Variants in ITGA1 observed in about 807,000 individuals in gnomAD.
The protein encoded by ITGA1 is integrin alpha-1.
Under a neutral mutation model 145.9 loss-of-function variants are expected in ITGA1, and 85 were observed. The observed-to-expected ratio is 0.58, with a 90% CI of 0.49 to 0.70. The LOEUF (loss-of-function observed/expected upper bound fraction) is 0.70. Among genes scored for constraint, ITGA1 ranks in the 30% least tolerant of loss-of-function variants. The pLI is 0.00. For synonymous variants in ITGA1, 520 were observed against 495.3 expected (o/e 1.05, Z -0.66); for missense variants, 1,351 against 1,418.7 (o/e 0.95, Z 0.77).
chr5:52,910,297 A>G lies in ITGA1; in HGVS notation c.1735A>G (p.Lys579Glu), dbSNP rs1239819782. The change falls in exon 14 of 29, where the codon AAA becomes GAA. Residue 579 changes from lysine to glutamate, a missense_variant. Coordinates refer to ENST00000282588, the MANE Select transcript of ITGA1 (RefSeq NM_181501.2). ...ARFGTAIAAV[K>E]DLNLDGFNDI... ...TTTTGGAACTGCAATTGCTGCTGTA[A>G]AAGACCTCAATCTTGATGGATTTAA... 1.2e-6 allele frequency: 2 copies of G among 1,614,018 alleles called. No homozygotes were observed. Among genetic ancestry groups the G allele is most frequent in the Admixed American group, 3.3e-5 (2 of 60,006 alleles).
At position 52,952,185 on chromosome 5, in the gene ITGA1, TCA is replaced by T. The variant is rs1751231709; in HGVS notation, c.3496-221_3496-220del. On this transcript the variant is annotated intron_variant, in intron 28 of 28. Transcript: ENST00000282588. ...AGCCTGGTGACAGAGTGAGACTGTC[TCA>T]AAAAAAAAAAAGAAAAGAAAAAAAA... Among the ~76,000 whole-genome samples, 47 of 110,774 alleles carry T rather than the reference TCA, an allele frequency of 4.2e-4. 1 individual carries two copies. The highest frequency in any genetic ancestry group is 1.4e-3 in the African/African-American group (43 of 30,918). The allele number at this position is 110,774 out of a possible 152,430, so 72.7% of individuals were successfully genotyped here.
intron 16 of ITGA1, 90 bp downstream of exon 16, chr5:52,918,988 C>A: frequency 8.9e-7 from 1 of 1,125,044 alleles, no homozygotes; most frequent in Non-Finnish European, 1.2e-6. Context: ...TTGTATTTTC[C>A]CCACATGGTG....
chr5:52,908,580 C>T (rs542873666), intron 12 of ITGA1, among the ~76,000 whole-genome samples: 4 of 152,150 alleles, frequency 2.6e-5, no homozygotes, highest in Non-Finnish European at 4.4e-5. Context: ...CTTAAAAAAT[C>T]ACTATAGTAT....
intron 1 of ITGA1, chr5:52,803,122 G>C (rs761762248): frequency 6.6e-6 from 1 of 152,072 alleles, no homozygotes; most frequent in Admixed American, 6.6e-5. Flanking sequence ...CTAAACTTTC[G>C]CCGGTCTTTC....
intron 3 of ITGA1, among the ~76,000 whole-genome samples, chr5:52,862,086 T>A (rs879812580): frequency 6.6e-6 from 1 of 151,460 alleles, no homozygotes; most frequent in Non-Finnish European, 1.5e-5. Context: ...GGCATAGTGG[T>A]ACATGCCTGT....
chr5:52,864,075 A>G (rs1397146091), intron 3 of ITGA1: 1 of 152,204 alleles, frequency 6.6e-6, no homozygotes, highest in Admixed American at 6.6e-5. Context: ...CCACTCTACT[A>G]AGCAGATTTA....
intron 2 of ITGA1, among the ~76,000 whole-genome samples, chr5:52,855,027 T>C (rs184115048): frequency 6.6e-6 from 1 of 152,338 alleles, no homozygotes; most frequent in East Asian, 1.9e-4. Flanking sequence ...CATTAAATTT[T>C]AAAATAATGA....
chr5:52,891,262 C>T (rs796257173), intron 8 of ITGA1, among the ~76,000 whole-genome samples: 96 of 135,648 alleles, frequency 7.1e-4, no homozygotes, highest in Non-Finnish European at 7.2e-4. Context: ...TTTTTTTTTT[C>T]TTTTTTTTTT....
intron 6 of ITGA1, among the ~76,000 whole-genome samples, chr5:52,869,509 C>T (rs2111784054): frequency 6.6e-6 from 1 of 152,230 alleles, no homozygotes; most frequent in Non-Finnish European, 1.5e-5. Context: ...TGGACTAAGG[C>T]ATAATTATTA....
intron 24 of ITGA1, 94 bp from the exon 25 acceptor site, chr5:52,939,496 C>T (rs1751021188): frequency 2.5e-6 from 2 of 785,744 alleles, no homozygotes; most frequent in African/African-American, 1.8e-5. Context: ...ATGGCAATGG[C>T]TGTCATTCAC....
At chr5:52,808,676 CTTT>C (rs60113844) in intron 1 of ITGA1, among the ~76,000 whole-genome samples, 20 of 69,322 alleles carry the variant, frequency 2.9e-4, no homozygotes, top group Non-Finnish European at 3.1e-4. Context: ...TTCTTTCTTT[CTTT>C]TTTTTTTTTT....
At chr5:52,878,887 A>G (rs1166868950) in intron 6 of ITGA1, among the ~76,000 whole-genome samples, 3 of 152,104 alleles carry the variant, frequency 2.0e-5, no homozygotes, top group Non-Finnish European at 4.4e-5. Flanking sequence ...TTGGAGGGAA[A>G]AAAAGGTTAA....
chr5:52,933,872 T>C, intron 22 of ITGA1, 22 bp from the exon 23 acceptor site: 1 of 1,223,946 alleles, frequency 8.2e-7, no homozygotes, highest in Admixed American at 2.5e-5. Flanking sequence ...TGTTTTATTT[T>C]TCTTCTAATT....
At chr5:52,917,478 C>T (rs1464690840) in intron 15 of ITGA1, among the ~76,000 whole-genome samples, 1 of 150,550 alleles carries the variant, frequency 6.6e-6, no homozygotes, top group African/African-American at 2.4e-5. Context: ...ACTCAGAAAC[C>T]TTTTTTTTAA....
intron 28 of ITGA1, among the ~76,000 whole-genome samples, chr5:52,951,048 A>G (rs1288770877): frequency 6.6e-6 from 1 of 152,138 alleles, no homozygotes; most frequent in Non-Finnish European, 1.5e-5. Context: ...TCTACCACCA[A>G]CTAGATGATG....
chr5:52,856,339 C>T (rs1749511400), intron 2 of ITGA1, among the ~76,000 whole-genome samples: 2 of 152,172 alleles, frequency 1.3e-5, no homozygotes, highest in Non-Finnish European at 2.9e-5. Flanking sequence ...ACTCACTTTT[C>T]ATCAGTTATC....
At chr5:52,937,563 C>G (rs1750989676) in intron 24 of ITGA1, 49 bp downstream of exon 24, 1 of 1,157,060 alleles carries the variant, frequency 8.6e-7, no homozygotes. Context: ...ATCTTTTCCA[C>G]TTTATGTTTA....
chr5:52,911,291 A>G (rs886732655), intron 14 of ITGA1, among the ~76,000 whole-genome samples: 12 of 135,716 alleles, frequency 8.8e-5, no homozygotes, highest in African/African-American at 1.6e-4. Flanking sequence ...TATAGTATAT[A>G]CAGTGTATAT....
chr5:52,851,788 T>C (rs901152103), intron 2 of ITGA1, among the ~76,000 whole-genome samples: 12 of 152,206 alleles, frequency 7.9e-5, no homozygotes, highest in African/African-American at 2.9e-4. Flanking sequence ...AAAATATTTG[T>C]TGGTGGGTTA....
Sources: allele counts gnomAD v4.1 joint callset (sites outside exome capture counted in the v4.1 genomes callset), GRCh38; gene constraint gnomAD v4.1.1; transcripts MANE v1.5; gene names NCBI Gene and HGNC (gene_info 2026-07-23, HGNC 2026-07-21).